KLK14: variants seen among roughly 807,000 people sequenced by gnomAD.
KLK14 encodes kallikrein-14.
KLK14 carries 21 observed loss-of-function variants against 24.6 expected under a neutral mutation model. The observed-to-expected ratio is 0.85, with a 90% CI of 0.61 to 1.23. KLK14 has a LOEUF of 1.23. KLK14 is among the 50% of genes most tolerant of loss of function. The pLI, the probability that KLK14 is intolerant of heterozygous loss-of-function variation, is 0.00. For synonymous variants in KLK14, 133 were observed against 139.7 expected (o/e 0.95, Z 0.34); for missense variants, 320 against 338.9 (o/e 0.94, Z 0.44).
At chr19:51,081,870 G>A (rs755819983) in intron 2 of KLK14, among the ~76,000 whole-genome samples, 167 bp from the exon 3 acceptor site, 1 of 151,978 alleles carries the variant, frequency 6.6e-6, no homozygotes, top group Non-Finnish European at 1.5e-5. Flanking sequence ...TATTGACCCC[G>A]TTATTGCCCC....
chr19:51,083,286 G>GGAGAGAGA (rs756954891), upstream of KLK14, among the ~76,000 whole-genome samples: 32 of 133,454 alleles, frequency 2.4e-4, no homozygotes, highest in African/African-American at 8.3e-4. Flanking sequence ...AGGGAGAGAG[G>GGAGAGAGA]GAGAGAGAGA....
upstream of KLK14, among the ~76,000 whole-genome samples, chr19:51,083,346 A>C (rs951451543): frequency 6.8e-6 from 1 of 147,988 alleles, no homozygotes; most frequent in Non-Finnish European, 1.5e-5. Flanking sequence ...AGACAGAGAG[A>C]CACACAGACA....
intron 2 of KLK14, among the ~76,000 whole-genome samples, chr19:51,082,213 C>G (rs2091844324): frequency 6.6e-6 from 1 of 152,084 alleles, no homozygotes; most frequent in Admixed American, 6.6e-5. Flanking sequence ...TCCCATCATC[C>G]TTCTCCACCT....
intron 3 of KLK14, among the ~76,000 whole-genome samples, 181 bp downstream of exon 3, chr19:51,081,351 G>A (rs1025383798): frequency 3.3e-5 from 5 of 151,140 alleles, no homozygotes; most frequent in African/African-American, 7.4e-5. Context: ...TGCTGAGTTC[G>A]AGATTTATGG....
upstream of KLK14, among the ~76,000 whole-genome samples, chr19:51,083,274 G>GGAGAGA (rs148149232): frequency 8.1e-6 from 1 of 123,712 alleles, no homozygotes; most frequent in Admixed American, 8.4e-5. Flanking sequence ...AGTCACGGGA[G>GGAGAGA]GAGGGAGAGA....
At position 51,078,551 on chromosome 19, in the gene KLK14, C is replaced by T. The variant is rs2091817449; in HGVS notation, c.603+264G>A. 1.3e-5 allele frequency among the ~76,000 whole-genome samples: 2 copies of T among 152,140 alleles called. No individual in the cohort carries two copies. Among genetic ancestry groups the T allele is most frequent in the South Asian group, 4.1e-4 (2 of 4,830 alleles). ...AGCAGAGGCCACTCTGCGATCTTTC[C>T]CCAACCTGCCTCATCCCATTCCACC... On this transcript the variant is annotated intron_variant, in intron 5 of 5. Transcript: ENST00000650543. The surrounding 1 kb of genome is among the most constrained non-coding windows in gnomAD (Gnocchi z 5.0).
Position 51,082,783 on chromosome 19 carries a change from G to C in KLK14, c.-84C>G, listed in dbSNP as rs573709059. ...CAGAGAGGTAGGGACCAGAGACGAG[G>C]GGGGCGGGGCCTGCAGGCTCTGCGG... is the stretch of plus-strand genomic sequence containing the variant. On this transcript the variant is annotated 5_prime_UTR_variant, in exon 1 of 6. Coordinates refer to ENST00000650543, the MANE Select transcript of KLK14 (RefSeq NM_001369775.2). 22 of 1,609,082 alleles carry C rather than the reference G, an allele frequency of 1.4e-5. No individual in the cohort carries two copies. The highest frequency in any genetic ancestry group is 1.8e-5 in the Non-Finnish European group (21 of 1,178,086).
Position 51,078,882 on chromosome 19 carries a change from T to TA in KLK14, c.535dup (p.Tyr179LeufsTer3). On this transcript the variant is annotated frameshift_variant, in exon 5 of 6. Coordinates refer to ENST00000650543, the MANE Select transcript of KLK14 (RefSeq NM_001369775.2). LOFTEE classifies it high-confidence loss of function. The surrounding 1 kb of genome is among the most constrained non-coding windows in gnomAD (Gnocchi z 5.0). ...CATGCCAGGCGTGATGGTTCTAGGA[T>TA]AGGCCTTCTGGCACACCTCATCCGG... The TA allele has an allele frequency of 2.5e-6, 4 of 1,614,088 alleles. No homozygotes were observed. Among genetic ancestry groups the TA allele is most frequent in the Non-Finnish European group, 3.4e-6 (4 of 1,179,960 alleles).
Position 51,082,815 on chromosome 19 carries a change from G to A in KLK14, c.-116C>T. 2 of 1,571,928 alleles carry A rather than the reference G, an allele frequency of 1.3e-6. No individual in the cohort carries two copies. Among genetic ancestry groups the A allele is most frequent in the Admixed American group, 1.8e-5 (1 of 54,794 alleles). On this transcript the variant is annotated 5_prime_UTR_variant, in exon 1 of 6. Transcript: ENST00000650543. The stretch of plus-strand genomic sequence containing the variant: ...GGGCCTGCAGGCTCTGCGGGCGGCA[G>A]GTGGGAGGATGTGGAGCAGGGCACA...
upstream of KLK14, among the ~76,000 whole-genome samples, chr19:51,083,274 GGAGGGAGAGA>G (rs2091851515): frequency 8.1e-6 from 1 of 123,624 alleles, no homozygotes; most frequent in Non-Finnish European, 1.7e-5. Context: ...AGTCACGGGA[GGAGGGAGAGA>G]GGGAGAGAGA....
chr19:51,081,618 C>T lies in KLK14; in HGVS notation c.126G>A (p.Leu42=), dbSNP rs2091839866. The part of the protein sequence containing the change: ...TRSSQPWQAA[L]LAGPRRRFLC... ...GGAAGCGGCGCCTGGGACCCGCCAGCAGGGCCGCCTGCCACGGCTGGGAGC... is the reference window on the plus strand; with the variant it reads ...GGAAGCGGCGCCTGGGACCCGCCAGTAGGGCCGCCTGCCACGGCTGGGAGC... Residue 42 remains leucine (L), a synonymous_variant, in exon 3 of 6, where the codon CTG becomes CTA. Transcript: ENST00000650543. 1.3e-6 allele frequency: 2 copies of T among 1,551,440 alleles called. No individual in the cohort carries two copies. Among genetic ancestry groups the T allele is most frequent in the Middle Eastern group, 1.7e-4 (1 of 6,008 alleles).
Position 51,078,670 on chromosome 19 carries a change from G to T in KLK14, c.603+145C>A. 9.4e-7 allele frequency: 1 copy of T among 1,067,600 alleles called. No individual in the cohort carries two copies. Among genetic ancestry groups the T allele is most frequent in the Non-Finnish European group, 1.4e-6 (1 of 737,708 alleles). 66.1% of individuals were successfully genotyped at this position (1,067,600 alleles called of 1,614,324 possible). ...TACCCAGGGGGCACAGGGCTAGGAA[G>T]CAGGGTGGCCTGGCTATCGGAATCT... On this transcript the variant is annotated intron_variant, in intron 5 of 5. Coordinates refer to ENST00000650543, the MANE Select transcript of KLK14 (RefSeq NM_001369775.2). This position sits in a 1 kb window ranked among gnomAD's most constrained non-coding sequence, Gnocchi z 5.0.
chr19:51,079,447 AC>A lies in KLK14; in HGVS notation c.466+1del. 1 of 1,606,250 alleles carries A rather than the reference AC, an allele frequency of 6.2e-7. No individual in the cohort carries two copies. The highest frequency in any genetic ancestry group is 1.1e-5 in the South Asian group (1 of 90,800). Reference sequence around the variant, plus strand: ...TGCTTTCCAAGACGCAGGAGTCCTCACCGATGGGGCTGGATATAGTTCCCCA... The same window carrying A: ...TGCTTTCCAAGACGCAGGAGTCCTCACGATGGGGCTGGATATAGTTCCCCA... On this transcript the variant is annotated splice_donor_variant, in intron 4 of 5. Coordinates refer to ENST00000650543, the MANE Select transcript of KLK14 (RefSeq NM_001369775.2). LOFTEE classifies it high-confidence loss of function.
chr19:51,079,846 G>A, intron 3 of KLK14, 144 bp from the exon 4 acceptor site: 1 of 1,294,284 alleles, frequency 7.7e-7, no homozygotes, highest in Non-Finnish European at 1.0e-6. Context: ...AGCATTCTTG[G>A]CCTCCTGTGC....
In KLK14 at chr19:51,081,557, T is replaced by C; in HGVS notation, c.187A>G (p.Ile63Val). The C allele has an allele frequency of 6.5e-7, 1 of 1,540,056 alleles. No individual in the cohort carries two copies. Among genetic ancestry groups the C allele is most frequent in the Non-Finnish European group, 8.8e-7 (1 of 1,140,292 alleles). Residue 63 changes from isoleucine to valine, a missense_variant, in exon 3 of 6, where the codon ATC (isoleucine) becomes GTC (valine). Ile to Val is a conservative substitution (Grantham distance 29). Transcript: ENST00000650543. Reference protein sequence around the residue: ...GGALLSGQWVITAAHCGRPIL... With the variant: ...GGALLSGQWVVTAAHCGRPIL... ...GGGCGGCCGCAGTGAGCAGCAGTGA[T>C]GACCCACTGGCCTGAAAGCAGGGCG...
upstream of KLK14, among the ~76,000 whole-genome samples, chr19:51,083,281 G>A (rs1326958148): frequency 8.1e-6 from 1 of 124,070 alleles, no homozygotes; most frequent in African/African-American, 3.5e-5. Flanking sequence ...GGAGGAGGGA[G>A]AGAGGGAGAG....
In KLK14 at chr19:51,078,305, C is replaced by G. The variant is rs972605015; in HGVS notation, c.604-146G>C. On this transcript the variant is annotated intron_variant, in intron 5 of 5. Coordinates refer to ENST00000650543, the MANE Select transcript of KLK14 (RefSeq NM_001369775.2). The surrounding 1 kb of genome is among the most constrained non-coding windows in gnomAD (Gnocchi z 5.0). ...CACAGTCCTGCCCCAGCTCTGAGGT[C>G]TCAGCCCCGGAGGTCGGGGCACTTC... 2.2e-6 allele frequency: 2 copies of G among 892,862 alleles called. No homozygotes were observed. The highest frequency in any genetic ancestry group is 1.8e-5 in the South Asian group (1 of 57,036). 55.3% of individuals were successfully genotyped at this position (892,862 alleles called of 1,614,324 possible).
intron 3 of KLK14, 81 bp from the exon 4 acceptor site, chr19:51,079,783 C>A: frequency 6.7e-7 from 1 of 1,481,792 alleles, no homozygotes; most frequent in Non-Finnish European, 9.0e-7. Flanking sequence ...GTTCCCTGGC[C>A]GGGTGACGAG....
rs373325438 is a variant in KLK14, at chr19:51,082,762, G to A, written c.-63C>T. 2.4e-4 allele frequency: 395 copies of A among 1,613,060 alleles called. No individual in the cohort carries two copies. Among genetic ancestry groups the A allele is most frequent in the Non-Finnish European group, 3.1e-4 (363 of 1,179,686 alleles). On this transcript the variant is annotated 5_prime_UTR_variant, in exon 1 of 6. Transcript: ENST00000650543. ...CTCAGGGACATGAAGACACAGCAGA[G>A]AGGTAGGGACCAGAGACGAGGGGGG...
Sources: allele counts gnomAD v4.1 joint callset (sites outside exome capture counted in the v4.1 genomes callset), GRCh38; gene constraint gnomAD v4.1.1; non-coding constraint Gnocchi (gnomAD v3.1); transcripts MANE v1.5; gene names NCBI Gene and HGNC (gene_info 2026-07-23, HGNC 2026-07-21).